Variants in CPNE8 observed in about 807,000 individuals in gnomAD.
The protein encoded by CPNE8 is copine 8.
In CPNE8, 45 loss-of-function variants were observed where a neutral mutation model predicts 81.5. That is an observed-to-expected ratio of 0.55 (90% confidence interval 0.44 to 0.71). The LOEUF (loss-of-function observed/expected upper bound fraction) is 0.71, where lower values mean the gene tolerates loss of function less well. Among genes scored for constraint, CPNE8 ranks in the 30% least tolerant of loss-of-function variants. The pLI is 0.00. For synonymous variants in CPNE8, 252 were observed against 226.3 expected, an observed-to-expected ratio of 1.11 and a Z score of -1.02; for missense variants, 594 against 672.1, an observed-to-expected ratio of 0.88 and a Z score of 1.28.
chr12:38,873,013 T>C lies in CPNE8; in HGVS notation c.177A>G (p.Glu59=). The C allele has an allele frequency of 6.5e-7, 1 of 1,545,440 alleles. No individual in the cohort carries two copies. The highest frequency in any genetic ancestry group is 8.9e-7 in the Non-Finnish European group (1 of 1,121,498). ...AAAGTTTTAAACTTACCTCTCTCCA[T>C]TCTTTATTTCCAACTCCTTGTACAT... ...VLYVQGVGNK[E]WREFGRTEVI... is the part of the protein sequence containing the mutation. Residue 59 remains glutamate, a synonymous_variant, in exon 3 of 20, where the codon GAA becomes GAG. Transcript: ENST00000331366.
intron 8 of CPNE8, among the ~76,000 whole-genome samples, chr12:38,766,635 G>T (rs1968901): frequency 0.95 from 145,129 of 152,200 alleles, 69,394 homozygotes; most frequent in East Asian, 1. Flanking sequence ...TGCAACATTT[G>T]ATACTTATTA....
At chr12:38,737,571 G>T (rs1050815774) in intron 10 of CPNE8, among the ~76,000 whole-genome samples, 2 of 151,958 alleles carry the variant, frequency 1.3e-5, no homozygotes, top group Non-Finnish European at 2.9e-5. Flanking sequence ...ACTCAAATTT[G>T]CCTGAGTTCA....
intron 6 of CPNE8, among the ~76,000 whole-genome samples, chr12:38,800,024 T>G (rs1444541615): frequency 3.0e-4 from 40 of 134,872 alleles, no homozygotes; most frequent in African/African-American, 9.6e-4. Context: ...GGAATCTCGC[T>G]GATTGCTAGC....
intron 6 of CPNE8, among the ~76,000 whole-genome samples, chr12:38,799,280 G>C (rs1271692915): frequency 1.3e-5 from 2 of 151,936 alleles, no homozygotes; most frequent in East Asian, 3.9e-4. Context: ...TTCCAAAATT[G>C]ACCACATACT....
rs1032281586 is a variant in CPNE8, at chr12:38,670,884, T to G, written c.1433-82A>C. The stretch of plus-strand genomic sequence containing the variant: ...TGTGGACAACAAGGAAATCAAGATG[T>G]ATGAAGTAGCAAAATGTGCTATGAA... On this transcript the variant is annotated intron_variant, in intron 18 of 19. Transcript: ENST00000331366. 3.5e-5 allele frequency: 33 copies of G among 944,148 alleles called. No individual in the cohort carries two copies. The African/African-American group carries it at 5.2e-4, about 15-fold the overall frequency. The allele number at this position is 944,148 out of a possible 1,614,324, so 58.5% of individuals were successfully genotyped here. A position where few individuals can be genotyped will look rare whatever the true frequency, so the allele number is the denominator to read the frequency against.
chr12:38,719,255 C>T (rs1940489436), intron 13 of CPNE8, among the ~76,000 whole-genome samples: 1 of 152,124 alleles, frequency 6.6e-6, no homozygotes, highest in Non-Finnish European at 1.5e-5. Flanking sequence ...ACAAGGGTGT[C>T]ATGACCAAGC....
intron 10 of CPNE8, among the ~76,000 whole-genome samples, chr12:38,756,680 T>G (rs1941467522): frequency 6.6e-6 from 1 of 152,204 alleles, no homozygotes; most frequent in Non-Finnish European, 1.5e-5. Flanking sequence ...TCTGACCAGC[T>G]TTTCCCCATT....
chr12:38,782,147 G>T (rs1292126752), intron 6 of CPNE8, among the ~76,000 whole-genome samples: 1 of 151,986 alleles, frequency 6.6e-6, no homozygotes, highest in African/African-American at 2.4e-5. Flanking sequence ...AGAAGAAACT[G>T]GTGTGACAGG....
intron 7 of CPNE8, among the ~76,000 whole-genome samples, chr12:38,773,082 G>A (rs1941841344): frequency 1.3e-5 from 2 of 152,020 alleles, no homozygotes; most frequent in African/African-American, 2.4e-5. Context: ...ACTACATATT[G>A]TAACTTACAT....
At chr12:38,660,579 C>A (rs1274896000) in intron 19 of CPNE8, among the ~76,000 whole-genome samples, 1 of 152,102 alleles carries the variant, frequency 6.6e-6, no homozygotes, top group Non-Finnish European at 1.5e-5. Flanking sequence ...GACTAAAACA[C>A]CAAAAGCAAT....
chr12:38,729,385 A>G (rs1940779691), intron 11 of CPNE8, among the ~76,000 whole-genome samples: 1 of 152,050 alleles, frequency 6.6e-6, no homozygotes, highest in African/African-American at 2.4e-5. Context: ...GTATACTACT[A>G]TATAGAGCAC....
chr12:38,734,851 T>C (rs1209836269), intron 10 of CPNE8, among the ~76,000 whole-genome samples: 4 of 152,088 alleles, frequency 2.6e-5, no homozygotes, highest in African/African-American at 9.7e-5. Context: ...AAAGAAGTAA[T>C]AGGCTTATGA....
At chr12:38,833,180 C>G (rs1943319099) in intron 5 of CPNE8, among the ~76,000 whole-genome samples, 1 of 151,476 alleles carries the variant, frequency 6.6e-6, no homozygotes, top group African/African-American at 2.4e-5. Flanking sequence ...TGGTGAAACC[C>G]CATCTCTACT....
chr12:38,811,804 C>G (rs1157857195), intron 6 of CPNE8, among the ~76,000 whole-genome samples: 1 of 152,104 alleles, frequency 6.6e-6, no homozygotes. Flanking sequence ...CCCATGAGTT[C>G]GAGGCTGCAG....
chr12:38,904,379 T>C (rs1448454949), intron 1 of CPNE8, among the ~76,000 whole-genome samples: 2 of 152,122 alleles, frequency 1.3e-5, no homozygotes, highest in African/African-American at 4.8e-5. Flanking sequence ...GCGGTGATGC[T>C]GCTTTATTTA....
At chr12:38,711,529 C>T (rs1009812154) in intron 13 of CPNE8, among the ~76,000 whole-genome samples, 12 of 150,258 alleles carry the variant, frequency 8.0e-5, no homozygotes, top group Admixed American at 3.3e-4. Flanking sequence ...AGTGTAGTGG[C>T]GCAATCTCGG....
chr12:38,722,496 T>A (rs1309728317), intron 13 of CPNE8, among the ~76,000 whole-genome samples: 1 of 152,152 alleles, frequency 6.6e-6, no homozygotes, highest in African/African-American at 2.4e-5. Context: ...CCCCACTCCC[T>A]CAACCCCTTC....
chr12:38,720,275 G>C (rs984025408), intron 13 of CPNE8, among the ~76,000 whole-genome samples: 1 of 152,180 alleles, frequency 6.6e-6, no homozygotes, highest in African/African-American at 2.4e-5. Context: ...ATAGAGTTAA[G>C]ACTGTCATTG....
rs1216441454 is a variant in CPNE8, at chr12:38,724,857, T to C, written c.841A>G (p.Asn281Asp). The C allele has an allele frequency of 6.8e-7, 1 of 1,479,218 alleles. No homozygotes were observed. The highest frequency in any genetic ancestry group is 9.4e-7 in the Non-Finnish European group (1 of 1,066,566). The allele number at this position is 1,479,218 out of a possible 1,614,324, so 91.6% of individuals were successfully genotyped here. A position where few individuals can be genotyped will look rare whatever the true frequency, so the allele number is the denominator to read the frequency against. Reference sequence around the variant, plus strand: ...AAAATTTGACTTACTGTTCCAGAATTAGTATATTTTTTCTTTTTTCCTTTC... The same window carrying C: ...AAAATTTGACTTACTGTTCCAGAATCAGTATATTTTTTCTTTTTTCCTTTC... Reference protein sequence around the residue: ...KKKGKKKKYTNSGTVTLLSFL... With the variant: ...KKKGKKKKYTDSGTVTLLSFL... The change falls in exon 12 of 20, where the codon AAT becomes GAT. Residue 281 changes from asparagine to aspartate, a missense_variant. Coordinates refer to ENST00000331366, the MANE Select transcript of CPNE8 (RefSeq NM_153634.3).
Sources: allele counts gnomAD v4.1 joint callset (sites outside exome capture counted in the v4.1 genomes callset), GRCh38; gene constraint gnomAD v4.1.1; transcripts MANE v1.5; gene names NCBI Gene and HGNC (gene_info 2026-07-23, HGNC 2026-07-21).